The following APOLD1 variants were observed in gnomAD, a reference collection of about 807,000 sequenced individuals.
APOLD1 encodes the protein apolipoprotein L domain containing 1.
Under a neutral mutation model 15.3 loss-of-function variants are expected in APOLD1, and 22 were observed. The ratio of observed to expected loss-of-function variants is 1.44; its 90% CI spans 1.03 to 2.05. APOLD1 has a LOEUF of 2.05. Ranked by LOEUF, APOLD1 falls within the 30% of genes most tolerant of loss-of-function variation. APOLD1 has a pLI of 0.00. For synonymous variants in APOLD1, 190 were observed against 167.4 expected, an observed-to-expected ratio of 1.13 and a Z score of -1.04; for missense variants, 394 against 353.5, an observed-to-expected ratio of 1.11 and a Z score of -0.92.
chr12:12,743,968 T>C (rs189679018), intron 1 of APOLD1, among the ~76,000 whole-genome samples: 2 of 152,290 alleles, frequency 1.3e-5, no homozygotes, highest in Admixed American at 1.3e-4. Context: ...GGCACCTTGC[T>C]TTTAGCCCAG....
At chr12:12,743,579 T>C (rs890447420) in intron 1 of APOLD1, among the ~76,000 whole-genome samples, 2 of 152,222 alleles carry the variant, frequency 1.3e-5, no homozygotes, top group Non-Finnish European at 2.9e-5. Flanking sequence ...CTTCTCACTC[T>C]GTGGGAGGCA....
At chr12:12,785,483 C>T, upstream of APOLD1, 1 of 695,564 alleles carries the variant, frequency 1.4e-6, no homozygotes, top group South Asian at 2.0e-5. Context: ...ATGTTCGTTT[C>T]CTAAATACGG....
chr12:12,776,605 C>G (rs186682874), intron 1 of APOLD1, among the ~76,000 whole-genome samples: 1 of 152,182 alleles, frequency 6.6e-6, no homozygotes. Context: ...GGTGCGCACA[C>G]CTGTGGAGGA....
chr12:12,731,094 TCG>T, intron 1 of APOLD1, among the ~76,000 whole-genome samples: 1 of 152,030 alleles, frequency 6.6e-6, no homozygotes, highest in Non-Finnish European at 1.5e-5. Context: ...TGGGCCGAGA[TCG>T]CACCACTGCA....
Position 12,789,796 on chromosome 12 carries a change from C to T in APOLD1, c.*2144C>T, listed in dbSNP as rs2136404639. ...TTATTTAATATTCTATAAATGTACC[C>T]AATCTGTCCGCACCCTTCCCAGTGA... On this transcript the variant is annotated 3_prime_UTR_variant, in exon 2 of 2. Transcript: ENST00000356591. 1 of 152,328 alleles carries T rather than the reference C, an allele frequency of 6.6e-6. No homozygotes were observed. Among genetic ancestry groups the T allele is most frequent in the Non-Finnish European group, 1.5e-5 (1 of 68,026 alleles). 9.4% of individuals were successfully genotyped at this position (152,328 alleles called of 1,614,324 possible).
At chr12:12,740,819 G>A (rs897047478) in intron 1 of APOLD1, among the ~76,000 whole-genome samples, 16 of 152,120 alleles carry the variant, frequency 1.1e-4, no homozygotes, top group African/African-American at 3.9e-4. Context: ...CTACAGACTG[G>A]AGACAATCCA....
intron 1 of APOLD1, among the ~76,000 whole-genome samples, chr12:12,738,338 A>G (rs1267155954): frequency 2.7e-5 from 4 of 150,824 alleles, no homozygotes; most frequent in African/African-American, 9.8e-5. Context: ...CCTCCTGAGT[A>G]GCTGGGACTG....
chr12:12,758,173 T>A (rs990958142), intron 1 of APOLD1, among the ~76,000 whole-genome samples: 13 of 150,868 alleles, frequency 8.6e-5, no homozygotes, highest in African/African-American at 3.2e-4. Context: ...CCTGACCTCG[T>A]GATCTGCCCA....
rs114442739 is a variant in APOLD1 at position 12,737,694 on chromosome 12, C to T, written c.96+11598C>T. ...AAAGTGAGAAGGAGGGAGCTGGGCG[C>T]TTATCTTTGGCATATCCTCAGCTGA... On this transcript the variant is annotated intron_variant, in intron 1 of 1. Coordinates refer to the APOLD1 transcript ENST00000326765. Among the ~76,000 whole-genome samples, 374 of 152,226 alleles carry T rather than the reference C, an allele frequency of 2.5e-3. 1 individual carries two copies. The highest frequency in any genetic ancestry group is 8.7e-3 in the African/African-American group (360 of 41,538).
chr12:12,785,612 C>T, upstream of APOLD1: 1 of 1,613,752 alleles, frequency 6.2e-7, no homozygotes, highest in Non-Finnish European at 8.5e-7. Flanking sequence ...CCAGGGCAGC[C>T]ATTGGTTCTC....
At chr12:12,760,658 A>C (rs995408493) in intron 1 of APOLD1, among the ~76,000 whole-genome samples, 1 of 151,316 alleles carries the variant, frequency 6.6e-6, no homozygotes, top group African/African-American at 2.4e-5. Context: ...AAAAAAAACA[A>C]CCAACAACCA....
chr12:12,748,649 GT>G (rs11339092), intron 1 of APOLD1, among the ~76,000 whole-genome samples: 107,054 of 149,166 alleles, frequency 0.72, 38,271 homozygotes, highest in Admixed American at 0.78. Context: ...ATAATTATGG[GT>G]TTTTTTTTTT....
chr12:12,784,302 C>T (rs938575062), upstream of APOLD1, among the ~76,000 whole-genome samples: 2 of 152,186 alleles, frequency 1.3e-5, no homozygotes, highest in African/African-American at 4.8e-5. Flanking sequence ...CTCTTGTCTA[C>T]CTCCCCAATT....
chr12:12,757,587 C>T (rs1946865865), intron 1 of APOLD1, among the ~76,000 whole-genome samples: 1 of 152,154 alleles, frequency 6.6e-6, no homozygotes, highest in African/African-American at 2.4e-5. Flanking sequence ...TTGTCAGCCA[C>T]CCCCGAAAGC....
chr12:12,789,723 A>C lies in APOLD1; in HGVS notation c.*2071A>C, dbSNP rs1209911809. 2.0e-5 allele frequency: 3 copies of C among 152,234 alleles called. 1 individual carries two copies. Among genetic ancestry groups the C allele is most frequent in the East Asian group, 1.9e-4 (1 of 5,198 alleles). The allele number at this position is 152,234 out of a possible 1,614,324, so 9.4% of individuals were successfully genotyped here. On this transcript the variant is annotated 3_prime_UTR_variant, in exon 2 of 2. Coordinates refer to ENST00000356591, the MANE Select transcript of APOLD1 (RefSeq NM_030817.3). ...AACTGTAATGTTGAAAAATAAGTTG[A>C]AAAGTCTTTGGGACCATACATGCAA...
At chr12:12,748,247 G>A (rs963620883) in intron 1 of APOLD1, among the ~76,000 whole-genome samples, 1 of 152,176 alleles carries the variant, frequency 6.6e-6, no homozygotes, top group African/African-American at 2.4e-5. Context: ...TGAGAGATTG[G>A]CTTCCAATGT....
chr12:12,728,833 A>G (rs952142442), intron 1 of APOLD1, among the ~76,000 whole-genome samples: 1 of 152,182 alleles, frequency 6.6e-6, no homozygotes, highest in African/African-American at 2.4e-5. Flanking sequence ...ATAGGAAGAA[A>G]GTGGGGAGAC....
rs1052550382 is a variant in APOLD1, at chr12:12,786,753, C to G, written c.4-156C>G. On this transcript the variant is annotated intron_variant, in intron 1 of 1. Transcript: ENST00000356591. ...ATTCCAGAACAGGTCTTTGAGAACT[C>G]GTCTCATGATCCACTGGAAACAGAC... The G allele has an allele frequency of 2.2e-5, 22 of 985,290 alleles. No individual in the cohort carries two copies. The African/African-American group carries it at 3.3e-4, about 15-fold the overall frequency. The allele number at this position is 985,290 out of a possible 1,614,324, so 61.0% of individuals were successfully genotyped here. A position where few individuals can be genotyped will look rare whatever the true frequency, so the allele number is the denominator to read the frequency against.
chr12:12,734,536 G>A (rs1294835458), intron 1 of APOLD1, among the ~76,000 whole-genome samples: 3 of 152,146 alleles, frequency 2.0e-5, no homozygotes, highest in African/African-American at 4.8e-5. Context: ...GAAGTTAAAC[G>A]AAGATGATTT....
Sources: allele counts gnomAD v4.1 joint callset (sites outside exome capture counted in the v4.1 genomes callset), GRCh38; gene constraint gnomAD v4.1.1; transcripts MANE v1.5; gene names NCBI Gene and HGNC (gene_info 2026-07-23, HGNC 2026-07-21).